VWDE: variants seen among roughly 807,000 people sequenced by gnomAD.
VWDE encodes von Willebrand factor D and EGF domain-containing protein.
A neutral mutation model predicts 178.4 loss-of-function variants in VWDE; 207 were observed. The ratio of observed to expected loss-of-function variants is 1.16; its 90% confidence interval spans 1.04 to 1.30. The LOEUF is 1.30. Among genes scored for constraint, VWDE ranks in the 50% most tolerant of loss-of-function variants. The probability of loss-of-function intolerance (pLI) is 0.00; values close to 1 mark genes in which losing one functional copy is unlikely to be tolerated. For synonymous variants in VWDE, 738 were observed against 651.4 expected (o/e 1.13, Z -2.02); for missense variants, 2,287 against 1,901.3 (o/e 1.20, Z -3.77).
intron 6 of VWDE, 112 bp downstream of exon 6, chr7:12,379,365 A>G (rs574343413): frequency 1.7e-5 from 11 of 645,452 alleles, no homozygotes; most frequent in Non-Finnish European, 2.6e-5. Context: ...ATGGGTCTCA[A>G]CATTCCGATT....
intron 1 of VWDE, among the ~76,000 whole-genome samples, chr7:12,400,970 T>A (rs906493087): frequency 6.6e-6 from 1 of 152,118 alleles, no homozygotes; most frequent in African/African-American, 2.4e-5. Flanking sequence ...CACATGTTCA[T>A]CTCAACAGAC....
In VWDE at chr7:12,344,429, A is replaced by C; in HGVS notation, c.3927T>G (p.Val1309=). 6.4e-7 allele frequency: 1 copy of C among 1,551,008 alleles called. No homozygotes were observed. ...KYPCGKSREC[V]APNICKCKPG... ...GTTTACATTTGCAGATGTTTGGGGC[A>C]ACACACTCCCTACTTTTTCCACATG... Residue 1309 remains valine, a synonymous_variant, in exon 20 of 29, where the codon GTT becomes GTG. Coordinates refer to ENST00000275358, the MANE Select transcript of VWDE (RefSeq NM_001135924.3).
chr7:12,388,781 T>A (rs917980427), intron 3 of VWDE: 1 of 374,056 alleles, frequency 2.7e-6, no homozygotes, highest in Non-Finnish European at 5.3e-6. Context: ...ATATAAAATG[T>A]ATATTTTTAT....
Position 12,337,227 on chromosome 7 carries a change from T to G in VWDE, c.4412A>C (p.Asn1471Thr). The change falls in exon 25 of 29, where the codon AAT becomes ACT. Residue 1471 changes from asparagine (N) to threonine (T), a missense_variant. Transcript: ENST00000275358. ...TCCTTCACGACAGACGCACACATTA[T>G]TTCTCATGCAGTGGCCACCATTCTT... ...PCKNGGHCMR[N>T]NVCVCREGYT... 3 of 1,552,032 alleles carry G rather than the reference T, an allele frequency of 1.9e-6. No individual in the cohort carries two copies. Among genetic ancestry groups the G allele is most frequent in the East Asian group, 2.4e-5 (1 of 40,920 alleles).
intron 3 of VWDE, among the ~76,000 whole-genome samples, chr7:12,386,151 A>G (rs1197846249): frequency 6.6e-6 from 1 of 152,178 alleles, no homozygotes; most frequent in African/African-American, 2.4e-5. Context: ...AGAATTTTCC[A>G]CAAATATTTG....
At chr7:12,362,398 G>A (rs1244615853) in intron 13 of VWDE, among the ~76,000 whole-genome samples, 1 of 151,874 alleles carries the variant, frequency 6.6e-6, no homozygotes, top group African/African-American at 2.4e-5. Flanking sequence ...TTAGTAATTT[G>A]AAACTAAATA....
At chr7:12,350,487 G>C in intron 19 of VWDE, among the ~76,000 whole-genome samples, 1 of 151,978 alleles carries the variant, frequency 6.6e-6, no homozygotes, top group East Asian at 1.9e-4. Context: ...CTAATAAAAG[G>C]AAAATTCATC....
rs2128552934 is a variant in VWDE at position 12,359,965 on chromosome 7, C to G, written c.3160-273G>C. ...ATTTATAAATAACATGGGAGAAAATCTCTCTTTTGGTATTTTTCACTGCTA... is the reference window on the plus strand; with the variant it reads ...ATTTATAAATAACATGGGAGAAAATGTCTCTTTTGGTATTTTTCACTGCTA... On this transcript the variant is annotated intron_variant, in intron 15 of 28. Coordinates refer to ENST00000275358, the MANE Select transcript of VWDE (RefSeq NM_001135924.3). Among the ~76,000 whole-genome samples, 2 of 151,964 alleles carry G rather than the reference C, an allele frequency of 1.3e-5. 1 individual carries two copies. Among genetic ancestry groups the G allele is most frequent in the South Asian group, 4.1e-4 (2 of 4,832 alleles).
Position 12,331,044 on chromosome 7 carries a change from T to C in VWDE, c.*139A>G, listed in dbSNP as rs1414685296. ...TCTATGATTACAACAGAGATCATTATGTATTTTATTAGTTTCTTCAGTCTT... is the reference window on the plus strand; with the variant it reads ...TCTATGATTACAACAGAGATCATTACGTATTTTATTAGTTTCTTCAGTCTT... On this transcript the variant is annotated 3_prime_UTR_variant, in exon 29 of 29. Transcript: ENST00000275358. The C allele has an allele frequency of 3.4e-5, 21 of 624,894 alleles. No individual in the cohort carries two copies. Among genetic ancestry groups the C allele is most frequent in the Non-Finnish European group, 4.8e-5 (18 of 371,936 alleles). 38.7% of individuals were successfully genotyped at this position (624,894 alleles called of 1,614,324 possible). A position where few individuals can be genotyped will look rare whatever the true frequency, so the allele number is the denominator to read the frequency against.
Position 12,403,354 on chromosome 7 carries a change from A to G in VWDE, c.58+305T>C, listed in dbSNP as rs184200617. On this transcript the variant is annotated intron_variant, in intron 1 of 28. Coordinates refer to ENST00000275358, the MANE Select transcript of VWDE (RefSeq NM_001135924.3). ...ATCCGGCGAAAGTTTCTTACAGTAAATTACAATGACCTCAAAGAGCAGGAT... is the reference window on the plus strand; with the variant it reads ...ATCCGGCGAAAGTTTCTTACAGTAAGTTACAATGACCTCAAAGAGCAGGAT... Among the ~76,000 whole-genome samples the G allele has an allele frequency of 2.9e-3, 448 of 152,316 alleles. 2 individuals are homozygous for G. The highest frequency in any genetic ancestry group is 1.0e-2 in the African/African-American group (415 of 41,560).
In VWDE at chr7:12,356,087, T is replaced by C. The variant is rs775858773; in HGVS notation, c.3745+24A>G. 47 of 1,540,542 alleles carry C rather than the reference T, an allele frequency of 3.1e-5. No individual in the cohort carries two copies. In the Middle Eastern group the frequency reaches 8.1e-4, roughly 26 times the overall value. ...GTTTCAAGGAGCTTTTCTTTCTAAT[T>C]TGTTATGAGGAGCAAAATCTTACCT... is the stretch of plus-strand genomic sequence containing the variant. On this transcript the variant is annotated intron_variant, in intron 18 of 28. Coordinates refer to ENST00000275358, the MANE Select transcript of VWDE (RefSeq NM_001135924.3).
chr7:12,388,875 T>C (rs1029787606), intron 3 of VWDE: 1 of 649,778 alleles, frequency 1.5e-6, no homozygotes, highest in Non-Finnish European at 2.9e-6. Flanking sequence ...ACACACTCAA[T>C]CATTATGTCC....
intron 21 of VWDE, 101 bp downstream of exon 21, chr7:12,344,094 A>G: frequency 2.4e-6 from 2 of 824,836 alleles, no homozygotes; most frequent in Non-Finnish European, 3.8e-6. Flanking sequence ...AGAATATTTT[A>G]ATATATACAC....
chr7:12,388,085 T>C lies in VWDE; in HGVS notation c.475+1042A>G, dbSNP rs1784194412. ...CCAATCAGGATATCCCATTGCATTA[T>C]TCATTATTTTCTAATCTGTGACTGT... On this transcript the variant is annotated intron_variant, in intron 3 of 28. Transcript: ENST00000275358. Among the ~76,000 whole-genome samples the C allele has an allele frequency of 2.6e-5, 4 of 152,170 alleles. No individual in the cohort carries two copies. In the South Asian group the frequency reaches 8.3e-4, roughly 31 times the overall value.
Position 12,367,488 on chromosome 7 carries a change from C to G in VWDE, c.2767G>C (p.Ala923Pro). ...SYDCSDSYDK[A>P]PEITELGNAG... ...TTCCCAAGCTCTGTAATTTCAGGAG[C>G]TTTGTCTTTGGAAAAAAAATATAAC... The change falls in exon 13 of 29, where the codon GCT becomes CCT. Residue 923 changes from alanine to proline, a missense_variant. Ala to Pro is a conservative substitution (Grantham distance 27). Transcript: ENST00000275358. The G allele has an allele frequency of 6.7e-7, 1 of 1,496,072 alleles. No homozygotes were observed. Among genetic ancestry groups the G allele is most frequent in the Non-Finnish European group, 8.9e-7 (1 of 1,124,054 alleles). 92.7% of individuals were successfully genotyped at this position (1,496,072 alleles called of 1,614,324 possible).
chr7:12,338,877 T>A (rs1287122345), intron 24 of VWDE, among the ~76,000 whole-genome samples: 2 of 152,192 alleles, frequency 1.3e-5, no homozygotes, highest in African/African-American at 4.8e-5. Context: ...AATTTCTATC[T>A]TCCTCTTTTA....
intron 13 of VWDE, 42 bp from the exon 14 acceptor site, chr7:12,361,563 T>C (rs1172217142): frequency 6.8e-7 from 1 of 1,467,256 alleles, no homozygotes; most frequent in African/African-American, 1.4e-5. Context: ...TGTTAAATTA[T>C]GGAAATATTT....
chr7:12,334,922 G>A (rs1583267080), intron 27 of VWDE, among the ~76,000 whole-genome samples: 1 of 151,880 alleles, frequency 6.6e-6, no homozygotes, highest in South Asian at 2.1e-4. Context: ...ATCAATATTT[G>A]AGCATACATA....
rs1186141048 is a variant in VWDE at position 12,403,682 on chromosome 7, A to C, written c.35T>G (p.Leu12Arg). ...ACCTTCCCCCCAGGCCAGGAACATC[A>C]GCGCGATCACCAGCACGCAGGCTCC... ...PGGACVLVIA[L>R]MFLAWGEAQE... Residue 12 changes from leucine (L) to arginine (R), a missense_variant, in exon 1 of 29, where the codon CTG becomes CGG. Transcript: ENST00000275358. 2.6e-6 allele frequency: 4 copies of C among 1,548,016 alleles called. No homozygotes were observed. Among genetic ancestry groups the C allele is most frequent in the African/African-American group, 2.7e-5 (2 of 73,024 alleles).
Sources: gnomAD v4.1 joint callset for allele counts (sites outside exome capture counted in the v4.1 genomes callset) on GRCh38, gnomAD v4.1.1 for gene constraint, MANE v1.5 for transcripts, NCBI Gene and HGNC (gene_info 2026-07-23, HGNC 2026-07-21) for gene names.